PCDHGB7: variants seen among roughly 807,000 people sequenced by gnomAD.
The protein encoded by PCDHGB7 is protocadherin gamma subfamily B, 7.
A neutral mutation model predicts 61.4 loss-of-function variants in PCDHGB7; 37 were observed. That is an observed-to-expected ratio of 0.60 (90% CI 0.46 to 0.79). The LOEUF (loss-of-function observed/expected upper bound fraction) is 0.79, where lower values mean the gene tolerates loss of function less well. Among genes scored for constraint, PCDHGB7 ranks in the 30% least tolerant of loss-of-function variants. The probability of loss-of-function intolerance (pLI) is 0.00; values close to 1 mark genes in which losing one functional copy is unlikely to be tolerated. For synonymous variants in PCDHGB7, 464 were observed against 503.5 expected, an observed-to-expected ratio of 0.92 and a Z score of 1.05; for missense variants, 1,166 against 1,202.5, an observed-to-expected ratio of 0.97 and a Z score of 0.45.
chr5:141,417,768 C>A lies in PCDHGB7; in HGVS notation c.-92C>A, dbSNP rs1444250512. On this transcript the variant is annotated 5_prime_UTR_variant, in exon 1 of 4. Coordinates refer to ENST00000398594, the MANE Select transcript of PCDHGB7 (RefSeq NM_018927.4). ...ATTGCCAGCTCCGAGACCCGGGACT[C>A]CTCCTGTCCTGGGCCGAATGCTCTT... is the stretch of plus-strand genomic sequence containing the variant. 1.3e-5 allele frequency: 19 copies of A among 1,451,358 alleles called. No individual in the cohort carries two copies. In the South Asian group the frequency reaches 1.7e-4, roughly 13 times the overall value. The allele number at this position is 1,451,358 out of a possible 1,614,324, so 89.9% of individuals were successfully genotyped here. A position where few individuals can be genotyped will look rare whatever the true frequency, so the allele number is the denominator to read the frequency against.
chr5:141,509,809 A>G (rs13163163), intron 3 of PCDHGB7, among the ~76,000 whole-genome samples: 35,240 of 151,962 alleles, frequency 0.23, 4,247 homozygotes, highest in Admixed American at 0.33. Context: ...CATAGAGCCG[A>G]GCTCTTCTCC....
intron 3 of PCDHGB7, 40 bp downstream of exon 3, chr5:141,505,521 T>C: frequency 1.9e-6 from 3 of 1,612,684 alleles, no homozygotes; most frequent in Non-Finnish European, 2.5e-6. Context: ...GTGGGAGACC[T>C]GGGGTTCTGG....
chr5:141,488,807 C>G (rs2099679535), intron 1 of PCDHGB7, among the ~76,000 whole-genome samples: 1 of 152,170 alleles, frequency 6.6e-6, no homozygotes, highest in Non-Finnish European at 1.5e-5. Flanking sequence ...TGAGTACCAT[C>G]TGAGCTGTCA....
In PCDHGB7 at chr5:141,431,509, C is replaced by T. The variant is rs774558486; in HGVS notation, c.2415+11235C>T. The T allele has an allele frequency of 3.1e-6, 5 of 1,613,992 alleles. 1 individual carries two copies. In the Admixed American group the frequency reaches 5.0e-5, roughly 16 times the overall value. On this transcript the variant is annotated intron_variant, in intron 1 of 3. Coordinates refer to ENST00000398594, the MANE Select transcript of PCDHGB7 (RefSeq NM_018927.4). This position sits in a 1 kb window ranked among gnomAD's most constrained non-coding sequence, Gnocchi z 4.8. ...TTGCTCAGCCCGAGTACCGCGCGAG[C>T]GTTCCGGAGAATCTGGCCTTGGGCA...
At chr5:141,465,757 T>C (rs2099108578) in intron 1 of PCDHGB7, among the ~76,000 whole-genome samples, 1 of 152,046 alleles carries the variant, frequency 6.6e-6, no homozygotes, top group South Asian at 2.1e-4. Context: ...ACTGGTAAAG[T>C]CATGTTTCAT....
chr5:141,474,056 C>T (rs576482294), intron 1 of PCDHGB7, among the ~76,000 whole-genome samples: 37 of 152,136 alleles, frequency 2.4e-4, no homozygotes, highest in Non-Finnish European at 4.9e-4. Flanking sequence ...GATGACAGAG[C>T]GAGATCCTGC....
At chr5:141,474,722 C>G (rs1562046141) in intron 1 of PCDHGB7, among the ~76,000 whole-genome samples, 1 of 152,216 alleles carries the variant, frequency 6.6e-6, no homozygotes, top group Non-Finnish European at 1.5e-5. Flanking sequence ...TTCAAAAGGA[C>G]TCTATGCAAT....
Position 141,510,960 on chromosome 5 carries a change from G to T in PCDHGB7, c.2577G>T (p.Gly859=). The T allele has an allele frequency of 6.2e-7, 1 of 1,614,120 alleles. No individual in the cohort carries two copies. The highest frequency in any genetic ancestry group is 1.3e-5 in the African/African-American group (1 of 75,022). ...ILASASEAAD[G]SSTLGGGAGT... is the part of the protein sequence containing the mutation. ...CTGTCTCTGCAGAAGCTGCTGATGG[G>T]AGCTCCACCCTGGGAGGGGGTGCCG... Residue 859 remains glycine, a synonymous_variant, in exon 4 of 4, where the codon GGG becomes GGT. Transcript: ENST00000398594.
intron 1 of PCDHGB7, chr5:141,427,677 C>T: frequency 1.2e-6 from 1 of 816,672 alleles, no homozygotes; most frequent in Non-Finnish European, 2.1e-6. Flanking sequence ...AAACAACCTT[C>T]CCGGAGCCTC....
In PCDHGB7 at chr5:141,474,831, G is replaced by A. The variant is rs188288898; in HGVS notation, c.2416-19976G>A. On this transcript the variant is annotated intron_variant, in intron 1 of 3. Coordinates refer to ENST00000398594, the MANE Select transcript of PCDHGB7 (RefSeq NM_018927.4). ...CATCATTAATTGAGGCTTACTCTGTGCCAGGCACTTTACCTGCCTTCTTCA... is the reference window on the plus strand; with the variant it reads ...CATCATTAATTGAGGCTTACTCTGTACCAGGCACTTTACCTGCCTTCTTCA... 5.3e-5 allele frequency among the ~76,000 whole-genome samples: 8 copies of A among 152,350 alleles called. No individual in the cohort carries two copies. The East Asian group carries it at 1.5e-3, about 29-fold the overall frequency.
chr5:141,450,846 A>C (rs2098698903), intron 1 of PCDHGB7, among the ~76,000 whole-genome samples: 1 of 115,730 alleles, frequency 8.6e-6, no homozygotes. Context: ...TTTTTTTGAG[A>C]TGGGGTCTTG....
Position 141,486,617 on chromosome 5 carries a change from C to G in PCDHGB7, c.2416-8190C>G. ...GCTTTGCTCCCTTGCAGCCTCTGAC[C>G]CAGACTCTGGCTTGAATGCGCTTAT... On this transcript the variant is annotated intron_variant, in intron 1 of 3. Transcript: ENST00000398594. This position sits in a 1 kb window ranked among gnomAD's most constrained non-coding sequence, Gnocchi z 5.0. 1 of 1,613,602 alleles carries G rather than the reference C, an allele frequency of 6.2e-7. No homozygotes were observed. Among genetic ancestry groups the G allele is most frequent in the South Asian group, 1.1e-5 (1 of 91,086 alleles).
At position 141,418,475 on chromosome 5, in the gene PCDHGB7, A is replaced by G; in HGVS notation, c.616A>G (p.Ser206Gly). The change falls in exon 1 of 4, where the codon AGC becomes GGC. Residue 206 changes from serine (S) to glycine (G), a missense_variant. Ser to Gly is a moderately conservative substitution (Grantham distance 56). Transcript: ENST00000398594. The stretch of plus-strand genomic sequence containing the variant: ...GAAGACTCTGGACCGAGAAACGCAG[A>G]GCGCTCACCACTTGGTACTGACCGC... ...LQKTLDRETQSAHHLVLTALD... is the reference protein window; with the variant it reads ...LQKTLDRETQGAHHLVLTALD... 3 of 1,614,000 alleles carry G rather than the reference A, an allele frequency of 1.9e-6. No individual in the cohort carries two copies. Among genetic ancestry groups the G allele is most frequent in the Non-Finnish European group, 2.5e-6 (3 of 1,179,892 alleles).
intron 1 of PCDHGB7, among the ~76,000 whole-genome samples, chr5:141,472,980 C>CAAAAAAAAAAAAAAAAAGAAAAAAA (rs2099309731): frequency 1.2e-5 from 1 of 86,102 alleles, no homozygotes; most frequent in African/African-American, 3.9e-5. Flanking sequence ...GAGTGAAACT[C>CAAAAAAAAAAAAAAAAAGAAAAAAA]AAAAAAAAAA....
In PCDHGB7 at chr5:141,417,908, C is replaced by G. The variant is rs1255727429; in HGVS notation, c.49C>G (p.Leu17Val). 6.3e-7 allele frequency: 1 copy of G among 1,597,500 alleles called. No homozygotes were observed. Among genetic ancestry groups the G allele is most frequent in the Non-Finnish European group, 8.5e-7 (1 of 1,171,712 alleles). ...GCGCCGGGCCGGCCCGCGGCAGGTA[C>G]TATTTCCTTTGCTGCTGCCTTTGTT... is the stretch of plus-strand genomic sequence containing the variant. ...QRRRAGPRQV[L>V]FPLLLPLFYP... The change falls in exon 1 of 4, where the codon CTA becomes GTA. Residue 17 changes from leucine (L) to valine (V), a missense_variant. Transcript: ENST00000398594.
rs748462670 is a variant in PCDHGB7, at chr5:141,478,010, C to T, written c.2416-16797C>T. Reference sequence around the variant, plus strand: ...GCACACTGGTCAAATCAGTACTGCCCGTCCAGTCCAAGACACAGATTCACC... The same window carrying T: ...GCACACTGGTCAAATCAGTACTGCCTGTCCAGTCCAAGACACAGATTCACC... On this transcript the variant is annotated intron_variant, in intron 1 of 3. Coordinates refer to ENST00000398594, the MANE Select transcript of PCDHGB7 (RefSeq NM_018927.4). 9 of 1,614,008 alleles carry T rather than the reference C, an allele frequency of 5.6e-6. No homozygotes were observed. The highest frequency in any genetic ancestry group is 1.7e-5 in the Admixed American group (1 of 59,998).
chr5:141,419,462 C>T lies in PCDHGB7; in HGVS notation c.1603C>T (p.Arg535Cys). ...LRTFELTLQA[R>C]DQGSPALSAN... ...CACCTTCGAGCTCACGCTGCAGGCC[C>T]GCGACCAGGGCTCGCCCGCGCTCAG... The change falls in exon 1 of 4, where the codon CGC becomes TGC. Residue 535 changes from arginine to cysteine, a missense_variant. Physicochemically the swap from Arg to Cys is radical, Grantham distance 180 (BLOSUM62 -3). Coordinates refer to ENST00000398594, the MANE Select transcript of PCDHGB7 (RefSeq NM_018927.4). 6.2e-7 allele frequency: 1 copy of T among 1,612,582 alleles called. No homozygotes were observed.
intron 1 of PCDHGB7, among the ~76,000 whole-genome samples, chr5:141,481,789 T>TAAAAATAC (rs972511310): frequency 3.3e-5 from 5 of 151,186 alleles, no homozygotes; most frequent in African/African-American, 1.2e-4. Flanking sequence ...CCGTCTCTAC[T>TAAAAATAC]AAAAATACAA....
intron 1 of PCDHGB7, among the ~76,000 whole-genome samples, chr5:141,452,529 G>A (rs758947494): frequency 1.3e-5 from 2 of 152,176 alleles, no homozygotes; most frequent in Non-Finnish European, 2.9e-5. Context: ...AAAATCGTGA[G>A]TTCATATTGA....
Sources: gnomAD v4.1 joint callset for allele counts (sites outside exome capture counted in the v4.1 genomes callset) on GRCh38, gnomAD v4.1.1 for gene constraint, Gnocchi (gnomAD v3.1) non-coding constraint, MANE v1.5 for transcripts, NCBI Gene and HGNC (gene_info 2026-07-23, HGNC 2026-07-21) for gene names.